YWHAB: variants seen among roughly 807,000 people sequenced by gnomAD.
YWHAB encodes 14-3-3 protein beta/alpha.
Under a neutral mutation model 28.5 loss-of-function variants are expected in YWHAB, and 2 were observed. That is an observed-to-expected ratio of 0.07 (90% confidence interval 0.03 to 0.22). The LOEUF (loss-of-function observed/expected upper bound fraction) is 0.22. YWHAB is among the 10% of genes least tolerant of loss of function. The pLI, the probability that YWHAB is intolerant of heterozygous loss-of-function variation, is 1.00. For missense variants in YWHAB, 148 were observed against 297.1 expected (o/e 0.50, Z 3.69); for synonymous variants, 103 against 104.7 (o/e 0.98, Z 0.10).
chr20:44,891,269 A>G (rs964444859), intron 1 of YWHAB, among the ~76,000 whole-genome samples: 1 of 151,972 alleles, frequency 6.6e-6, no homozygotes, highest in Non-Finnish European at 1.5e-5. Flanking sequence ...ATACCCGGCT[A>G]ATTTTTTTAT....
chr20:44,888,458 C>G (rs1568927845), intron 1 of YWHAB, among the ~76,000 whole-genome samples: 1 of 152,182 alleles, frequency 6.6e-6, no homozygotes, highest in African/African-American at 2.4e-5. Flanking sequence ...CGAGGTCTCA[C>G]ACACAGCGCA....
chr20:44,898,623 T>C (rs2066609124), intron 1 of YWHAB, among the ~76,000 whole-genome samples: 1 of 151,968 alleles, frequency 6.6e-6, no homozygotes, highest in South Asian at 2.1e-4. Context: ...ATTCTCTTGC[T>C]CAGCCTCCCC....
At chr20:44,905,337 T>G (rs1387743972) in intron 4 of YWHAB, 2 of 468,356 alleles carry the variant, frequency 4.3e-6, no homozygotes, top group Middle Eastern at 5.5e-4. Flanking sequence ...TTGATTACTG[T>G]TTTTTGCGGG....
At position 44,893,095 on chromosome 20, in the gene YWHAB, G is replaced by A. The variant is rs1410764584; in HGVS notation, c.-4+7209G>A. Among the ~76,000 whole-genome samples, 6 of 152,220 alleles carry A rather than the reference G, an allele frequency of 3.9e-5. No homozygotes were observed. In the South Asian group the frequency reaches 6.2e-4, roughly 16 times the overall value. ...AAAAAAAATGGATTAGCAGTAGGTA[G>A]TCTTCTTTTTCTTTTCTTTCTTTCT... On this transcript the variant is annotated intron_variant, in intron 1 of 5. Coordinates refer to ENST00000353703, the MANE Select transcript of YWHAB (RefSeq NM_139323.4).
chr20:44,888,812 A>G (rs1004527698), intron 1 of YWHAB, among the ~76,000 whole-genome samples: 5 of 152,210 alleles, frequency 3.3e-5, no homozygotes, highest in Non-Finnish European at 7.3e-5. Flanking sequence ...TTGGCATAGA[A>G]TTTTAGGTTC....
chr20:44,906,460 TG>T lies in YWHAB; in HGVS notation c.*23del. 1 of 1,604,984 alleles carries T rather than the reference TG, an allele frequency of 6.2e-7. No individual in the cohort carries two copies. The highest frequency in any genetic ancestry group is 8.5e-7 in the Non-Finnish European group (1 of 1,174,936). ...CTAATGTTTCTCGTGCTTTGTGATCTGTTCAGTGTCACTCTGTACCCTCAAC... is the reference window on the plus strand; with the variant it reads ...CTAATGTTTCTCGTGCTTTGTGATCTTTCAGTGTCACTCTGTACCCTCAAC... On this transcript the variant is annotated 3_prime_UTR_variant, in exon 6 of 6. Coordinates refer to ENST00000353703, the MANE Select transcript of YWHAB (RefSeq NM_139323.4).
chr20:44,902,385 T>C (rs1292745315), intron 2 of YWHAB: 2 of 152,360 alleles, frequency 1.3e-5, no homozygotes, highest in African/African-American at 4.8e-5. Flanking sequence ...AGTCAGATGA[T>C]TGATTCCCTC....
rs749361701 is a variant in YWHAB, at chr20:44,904,024, C to G, written c.332C>G (p.Ala111Gly). ...TTGGACAAATATCTTATTCCCAATG[C>G]TACACAACCAGAAAGTAAGGTGTTC... Reference protein sequence around the residue: ...ELLDKYLIPNATQPESKVFYL... With the variant: ...ELLDKYLIPNGTQPESKVFYL... The change falls in exon 3 of 6, where the codon GCT becomes GGT. Residue 111 changes from alanine (A) to glycine (G), a missense_variant. Coordinates refer to ENST00000353703, the MANE Select transcript of YWHAB (RefSeq NM_139323.4). The G allele has an allele frequency of 3.1e-6, 5 of 1,600,038 alleles. No homozygotes were observed. The highest frequency in any genetic ancestry group is 3.6e-5 in the Admixed American group (2 of 55,388).
At chr20:44,896,754 A>G (rs2066598339) in intron 1 of YWHAB, among the ~76,000 whole-genome samples, 1 of 152,220 alleles carries the variant, frequency 6.6e-6, no homozygotes, top group Non-Finnish European at 1.5e-5. Context: ...GAACAATTTC[A>G]TTTCTCCTTT....
chr20:44,904,737 T>G (rs1479961591), intron 3 of YWHAB, among the ~76,000 whole-genome samples: 3 of 152,236 alleles, frequency 2.0e-5, no homozygotes, highest in African/African-American at 7.2e-5. Flanking sequence ...TGTATTTAAC[T>G]GCTTTAGTAG....
chr20:44,899,023 A>T (rs2066611772), intron 1 of YWHAB, among the ~76,000 whole-genome samples: 1 of 152,054 alleles, frequency 6.6e-6, no homozygotes, highest in Non-Finnish European at 1.5e-5. Context: ...GGCTGAGGAG[A>T]ATCGCTTGAA....
Position 44,907,320 on chromosome 20 carries a change from C to G in YWHAB, c.*882C>G, listed in dbSNP as rs948049137. ...GAGTCAGGCGTGGTGGTGCGTGCAT[C>G]TAGTCCCAACTATTTGGGAGGCTGA... On this transcript the variant is annotated 3_prime_UTR_variant, in exon 6 of 6. Coordinates refer to ENST00000353703, the MANE Select transcript of YWHAB (RefSeq NM_139323.4). The G allele has an allele frequency of 6.6e-5, 10 of 152,346 alleles. No homozygotes were observed. Among genetic ancestry groups the G allele is most frequent in the Non-Finnish European group, 1.3e-4 (9 of 68,060 alleles). The allele number at this position is 152,346 out of a possible 1,614,324, so 9.4% of individuals were successfully genotyped here.
intron 1 of YWHAB, among the ~76,000 whole-genome samples, chr20:44,888,995 G>C (rs931453906): frequency 1.3e-5 from 2 of 152,076 alleles, no homozygotes; most frequent in Non-Finnish European, 2.9e-5. Context: ...CTGCTCTTTC[G>C]GTGTCAACAA....
At chr20:44,896,643 T>C (rs2066597643) in intron 1 of YWHAB, among the ~76,000 whole-genome samples, 1 of 152,210 alleles carries the variant, frequency 6.6e-6, no homozygotes, top group Non-Finnish European at 1.5e-5. Context: ...AAATGGGTCT[T>C]ACAGCAAAGG....
At position 44,890,870 on chromosome 20, in the gene YWHAB, A is replaced by G. The variant is rs145458910; in HGVS notation, c.-4+4984A>G. Among the ~76,000 whole-genome samples the G allele has an allele frequency of 2.6e-3, 396 of 152,260 alleles. 1 individual carries two copies. Among genetic ancestry groups the G allele is most frequent in the Non-Finnish European group, 3.6e-3 (243 of 68,014 alleles). ...CCAGCAGAGACACTTGCATTGCAGT[A>G]AACTGTGATAAGGGCCATTTTAGAA... On this transcript the variant is annotated intron_variant, in intron 1 of 5. Transcript: ENST00000353703.
At chr20:44,899,842 C>G (rs1014496704) in intron 1 of YWHAB, among the ~76,000 whole-genome samples, 4 of 152,124 alleles carry the variant, frequency 2.6e-5, no homozygotes, top group African/African-American at 9.7e-5. Flanking sequence ...TTTAAATGAA[C>G]TCAGTTATGG....
At chr20:44,895,430 CTGAG>C (rs2066590126) in intron 1 of YWHAB, among the ~76,000 whole-genome samples, 1 of 152,170 alleles carries the variant, frequency 6.6e-6, no homozygotes, top group Non-Finnish European at 1.5e-5. Context: ...TTGGAAGTTA[CTGAG>C]TAAGGACAAA....
intron 1 of YWHAB, among the ~76,000 whole-genome samples, chr20:44,899,282 C>A (rs1380093871): frequency 6.6e-6 from 1 of 152,174 alleles, no homozygotes; most frequent in African/African-American, 2.4e-5. Context: ...AGTTCAAGAC[C>A]AGCCTGGCCA....
chr20:44,895,749 G>C (rs1568930398), intron 1 of YWHAB, among the ~76,000 whole-genome samples: 2 of 152,188 alleles, frequency 1.3e-5, no homozygotes, highest in Non-Finnish European at 2.9e-5. Flanking sequence ...ATTATAGATT[G>C]ATCTGCCATG....
Sources: allele counts gnomAD v4.1 joint callset (sites outside exome capture counted in the v4.1 genomes callset), GRCh38; gene constraint gnomAD v4.1.1; transcripts MANE v1.5; gene names NCBI Gene and HGNC (gene_info 2026-07-23, HGNC 2026-07-21).